Variants in STRN3 observed in about 807,000 individuals in gnomAD.
The protein encoded by STRN3 is striatin-3.
STRN3 carries 29 observed loss-of-function variants against 95.6 expected under a neutral mutation model. The observed-to-expected ratio is 0.30, with a 90% CI of 0.23 to 0.41. The LOEUF (loss-of-function observed/expected upper bound fraction) is 0.41. Ranked by LOEUF, STRN3 falls within the 10% of genes least tolerant of loss-of-function variation. The pLI, the probability that STRN3 is intolerant of heterozygous loss-of-function variation, is 1.00. For synonymous variants in STRN3, 331 were observed against 357.6 expected, an observed-to-expected ratio of 0.93 and a Z score of 0.84; for missense variants, 890 against 972.1, an observed-to-expected ratio of 0.92 and a Z score of 1.12.
intron 6 of STRN3, 57 bp from the exon 7 acceptor site, chr14:30,935,361 T>TTAA: frequency 6.4e-7 from 1 of 1,562,662 alleles, no homozygotes; most frequent in Non-Finnish European, 8.7e-7. Flanking sequence ...AAGGGATGCT[T>TTAA]TAATATTGTC....
chr14:31,015,847 G>A (rs981013622), intron 1 of STRN3, among the ~76,000 whole-genome samples: 38 of 152,122 alleles, frequency 2.5e-4, no homozygotes, highest in South Asian at 4.1e-4. Context: ...CACCCAGGCC[G>A]GAGTGCAGTG....
chr14:30,968,026 T>G (rs115673275), intron 1 of STRN3, among the ~76,000 whole-genome samples: 8,569 of 152,190 alleles, frequency 0.056, 443 homozygotes, highest in East Asian at 0.21. Flanking sequence ...TGTGAGCTAT[T>G]TGCACTCAGC....
intron 5 of STRN3, among the ~76,000 whole-genome samples, chr14:30,946,058 G>A (rs1299561407): frequency 2.0e-5 from 3 of 152,060 alleles, no homozygotes; most frequent in Non-Finnish European, 1.5e-5. Flanking sequence ...CAAACACAAT[G>A]CAAAGCTTTG....
chr14:30,947,337 G>A, intron 4 of STRN3, 74 bp from the exon 5 acceptor site: 1 of 1,219,050 alleles, frequency 8.2e-7, no homozygotes, highest in Non-Finnish European at 1.1e-6. Context: ...TCAAATTTTA[G>A]AAAAACCCAT....
chr14:30,916,310 T>C (rs1896738146), intron 9 of STRN3, among the ~76,000 whole-genome samples: 1 of 151,270 alleles, frequency 6.6e-6, no homozygotes, highest in Non-Finnish European at 1.5e-5. Context: ...AGTCTTGCTC[T>C]GTCGCCCTGG....
At chr14:30,929,437 T>C (rs574571369) in intron 7 of STRN3, 126 bp from the exon 8 acceptor site, 1 of 709,584 alleles carries the variant, frequency 1.4e-6, no homozygotes, top group East Asian at 2.9e-5. Flanking sequence ...CAAAATACTT[T>C]AAAGGTGCAG....
At chr14:30,971,452 G>A (rs183170225) in intron 1 of STRN3, among the ~76,000 whole-genome samples, 36 of 152,294 alleles carry the variant, frequency 2.4e-4, no homozygotes, top group Admixed American at 6.5e-4. Flanking sequence ...ATTTTGGTGA[G>A]TGACAAAAAT....
At chr14:30,995,461 T>C (rs919315448) in intron 1 of STRN3, among the ~76,000 whole-genome samples, 14 of 152,334 alleles carry the variant, frequency 9.2e-5, no homozygotes, top group African/African-American at 3.1e-4. Flanking sequence ...CTTAGCTTCC[T>C]CATTTGTCAA....
At chr14:31,014,366 G>A (rs560656436) in intron 1 of STRN3, among the ~76,000 whole-genome samples, 12 of 151,870 alleles carry the variant, frequency 7.9e-5, no homozygotes, top group African/African-American at 2.2e-4. Flanking sequence ...AACTACAGGC[G>A]CGTTGACACC....
intron 9 of STRN3, among the ~76,000 whole-genome samples, chr14:30,916,341 C>A (rs1230760373): frequency 4.7e-5 from 7 of 148,484 alleles, no homozygotes; most frequent in African/African-American, 1.7e-4. Context: ...GTGGCGCGAT[C>A]TCGGCTCACT....
intron 9 of STRN3, among the ~76,000 whole-genome samples, chr14:30,918,417 G>T (rs1287283460): frequency 2.0e-5 from 3 of 151,886 alleles, no homozygotes; most frequent in African/African-American, 7.3e-5. Flanking sequence ...GCTGAGGCAG[G>T]AGACTCGCTT....
At chr14:30,952,802 C>T (rs1284025713) in intron 3 of STRN3, among the ~76,000 whole-genome samples, 1 of 152,086 alleles carries the variant, frequency 6.6e-6, no homozygotes, top group Non-Finnish European at 1.5e-5. Context: ...ACTGATTTTT[C>T]TATTTATAAC....
intron 1 of STRN3, among the ~76,000 whole-genome samples, chr14:31,005,770 T>C (rs749820246): frequency 7.9e-5 from 12 of 152,062 alleles, no homozygotes; most frequent in Middle Eastern, 3.2e-3. Flanking sequence ...ATCACAAGGG[T>C]GAACATCAGA....
chr14:30,959,155 G>A (rs1034927316), intron 1 of STRN3, among the ~76,000 whole-genome samples: 9 of 151,766 alleles, frequency 5.9e-5, no homozygotes, highest in Non-Finnish European at 5.9e-5. Flanking sequence ...GCAACACCTC[G>A]TCTTCACTAA....
At chr14:31,016,271 C>G (rs932602397) in intron 1 of STRN3, among the ~76,000 whole-genome samples, 1 of 152,150 alleles carries the variant, frequency 6.6e-6, no homozygotes, top group East Asian at 1.9e-4. Context: ...TGTTTACAGC[C>G]TTTACTCATA....
At chr14:30,923,476 G>A (rs1180340285) in intron 8 of STRN3, among the ~76,000 whole-genome samples, 1 of 151,796 alleles carries the variant, frequency 6.6e-6, no homozygotes, top group Non-Finnish European at 1.5e-5. Context: ...CGGAGAGAAG[G>A]GAAATGGCAA....
intron 1 of STRN3, among the ~76,000 whole-genome samples, chr14:30,992,521 G>A (rs1390426715): frequency 7.0e-6 from 1 of 142,248 alleles, no homozygotes; most frequent in African/African-American, 2.6e-5. Context: ...CAAAAGTTCT[G>A]GGATTACAAG....
At chr14:30,902,491 CA>C (rs1239801216) in intron 16 of STRN3, 44 bp downstream of exon 16, 2 of 1,324,998 alleles carry the variant, frequency 1.5e-6, no homozygotes, top group East Asian at 4.8e-5. Flanking sequence ...TTGATCATCT[CA>C]AATTTACAGT....
Position 30,912,164 on chromosome 14 carries a change from C to A in STRN3, c.1393G>T (p.Ala465Ser). The change falls in exon 11 of 18, where the codon GCC becomes TCC. Residue 465 changes from alanine (A) to serine (S), a missense_variant. This residue lies in a region of STRN3 where 357 missense variants were observed against 422.8 expected (regional missense o/e 0.84). Transcript: ENST00000357479. ...TTGGGATTCCATGTCTTTCGAAAGG[C>A]ATCTTTATTAGCAGGCAACTAAAAG... ...YSYDLPANKD[A>S]FRKTWNPKYT... The A allele has an allele frequency of 6.2e-7, 1 of 1,609,450 alleles. No individual in the cohort carries two copies. Among genetic ancestry groups the A allele is most frequent in the Non-Finnish European group, 8.5e-7 (1 of 1,178,870 alleles).
Sources: gnomAD v4.1 joint callset for allele counts (sites outside exome capture counted in the v4.1 genomes callset) on GRCh38, gnomAD v4.1.1 for gene constraint, gnomAD v4.1.1 regional missense constraint, MANE v1.5 for transcripts, NCBI Gene and HGNC (gene_info 2026-07-23, HGNC 2026-07-21) for gene names.